Variants in DLG2 observed in about 807,000 individuals in gnomAD.
DLG2 encodes discs large MAGUK scaffold protein 2, also known as disks large homolog 2.
In DLG2, 45 loss-of-function variants were observed where a neutral mutation model predicts 132.5. The ratio of observed to expected loss-of-function variants is 0.34; its 90% confidence interval spans 0.27 to 0.44. DLG2 has a LOEUF of 0.44. Among genes scored for constraint, DLG2 ranks in the 20% least tolerant of loss-of-function variants. The pLI, the probability that DLG2 is intolerant of heterozygous loss-of-function variation, is 1.00. For missense variants in DLG2, 1,045 were observed against 1,196.9 expected (o/e 0.87, Z 1.87); for synonymous variants, 424 against 419.6 (o/e 1.01, Z -0.13).
intron 7 of DLG2, among the ~76,000 whole-genome samples, chr11:84,357,165 C>A (rs2098619527): frequency 6.6e-6 from 1 of 152,006 alleles, no homozygotes; most frequent in Non-Finnish European, 1.5e-5. Flanking sequence ...GTCTGGATGT[C>A]TTCTTAAAAA....
At chr11:84,222,929 T>G (rs903692136) in intron 8 of DLG2, among the ~76,000 whole-genome samples, 1 of 152,164 alleles carries the variant, frequency 6.6e-6, no homozygotes, top group Non-Finnish European at 1.5e-5. Flanking sequence ...TGTTAATGAG[T>G]TTAATACTTG....
At chr11:85,166,926 A>C (rs7110155) in intron 4 of DLG2, among the ~76,000 whole-genome samples, 13,686 of 152,208 alleles carry the variant, frequency 0.09, 828 homozygotes, top group African/African-American at 0.16. Context: ...ATAAAAGAAT[A>C]TTATAATAAA....
intron 7 of DLG2, among the ~76,000 whole-genome samples, chr11:84,468,140 G>A (rs1270240864): frequency 6.6e-6 from 1 of 151,482 alleles, no homozygotes; most frequent in Non-Finnish European, 1.5e-5. Context: ...CTCCATAAAT[G>A]TTATTTTACT....
chr11:83,733,701 G>T (rs2153704180), intron 18 of DLG2, among the ~76,000 whole-genome samples: 1 of 152,290 alleles, frequency 6.6e-6, no homozygotes, highest in East Asian at 1.9e-4. Context: ...CCCAGTTCTA[G>T]CAATCAACTT....
chr11:83,742,395 A>G (rs2092593321), intron 18 of DLG2, among the ~76,000 whole-genome samples: 1 of 152,152 alleles, frequency 6.6e-6, no homozygotes, highest in African/African-American at 2.4e-5. Flanking sequence ...ATAGTACTCT[A>G]AGGAAAAAAA....
At chr11:84,373,268 A>AAAAAAAAAAAAAAC (rs1567449347) in intron 7 of DLG2, among the ~76,000 whole-genome samples, 3 of 135,744 alleles carry the variant, frequency 2.2e-5, no homozygotes, top group Non-Finnish European at 4.6e-5. Context: ...AAAAAAACAA[A>AAAAAAAAAAAAAAC]ACAAAAAAAA....
intron 3 of DLG2, among the ~76,000 whole-genome samples, chr11:85,466,157 GT>G (rs557877965): frequency 2.0e-5 from 3 of 152,120 alleles, no homozygotes; most frequent in Non-Finnish European, 4.4e-5. Context: ...GGGGTTGCTT[GT>G]TTTTTTCTTG....
chr11:85,448,872 G>C (rs1053369518), intron 3 of DLG2, among the ~76,000 whole-genome samples: 6 of 151,976 alleles, frequency 3.9e-5, no homozygotes, highest in African/African-American at 1.4e-4. Context: ...ATTTAAAGTA[G>C]TTCCCATTCT....
intron 7 of DLG2, among the ~76,000 whole-genome samples, chr11:84,363,401 T>C (rs928003421): frequency 6.6e-6 from 1 of 152,142 alleles, no homozygotes; most frequent in Non-Finnish European, 1.5e-5. Flanking sequence ...TTGTAGATTC[T>C]GGATATTAGC....
At chr11:84,041,654 T>C (rs1160817) in intron 11 of DLG2, among the ~76,000 whole-genome samples, 5 of 152,062 alleles carry the variant, frequency 3.3e-5, no homozygotes, top group African/African-American at 1.2e-4. Context: ...TAGAATTTCC[T>C]AATTTTAATA....
chr11:85,387,482 T>C (rs1030606411), intron 3 of DLG2, among the ~76,000 whole-genome samples: 2 of 152,214 alleles, frequency 1.3e-5, no homozygotes, highest in African/African-American at 2.4e-5. Context: ...ACACTCAATG[T>C]GTAACATTTT....
At chr11:83,552,279 T>C (rs779564800) in intron 19 of DLG2, among the ~76,000 whole-genome samples, 3 of 152,108 alleles carry the variant, frequency 2.0e-5, no homozygotes, top group Non-Finnish European at 2.9e-5. Flanking sequence ...TGGGGTGTTT[T>C]TTAAGGTAGG....
At chr11:85,076,046 T>C (rs1001949390) in intron 6 of DLG2, among the ~76,000 whole-genome samples, 5 of 151,952 alleles carry the variant, frequency 3.3e-5, no homozygotes, top group African/African-American at 1.2e-4. Context: ...GGTAAATGAA[T>C]TTATTTACTC....
intron 4 of DLG2, among the ~76,000 whole-genome samples, chr11:85,196,631 A>G (rs919540054): frequency 6.6e-6 from 1 of 152,246 alleles, no homozygotes; most frequent in Non-Finnish European, 1.5e-5. Flanking sequence ...GCCTTAGCAC[A>G]CTGCTGGGAC....
intron 19 of DLG2, among the ~76,000 whole-genome samples, chr11:83,619,479 G>A (rs1299907583): frequency 6.6e-6 from 1 of 152,190 alleles, no homozygotes; most frequent in East Asian, 1.9e-4. Context: ...CTTCTTTGCT[G>A]TGTAAATATG....
At chr11:84,187,929 G>C (rs1288616409) in intron 8 of DLG2, among the ~76,000 whole-genome samples, 1 of 152,120 alleles carries the variant, frequency 6.6e-6, no homozygotes, top group Non-Finnish European at 1.5e-5. Flanking sequence ...GAGAGCTGTA[G>C]AAAGACTCTA....
chr11:85,409,318 G>T (rs2089093812), intron 3 of DLG2, among the ~76,000 whole-genome samples: 1 of 151,876 alleles, frequency 6.6e-6, no homozygotes, highest in Admixed American at 6.6e-5. Context: ...TAAGAACATG[G>T]ACTCTGTATC....
intron 6 of DLG2, among the ~76,000 whole-genome samples, chr11:84,894,338 C>T (rs2089888227): frequency 1.3e-5 from 2 of 152,110 alleles, no homozygotes; most frequent in African/African-American, 4.8e-5. Flanking sequence ...TTGTCCCTTC[C>T]AACTTCTCCC....
intron 6 of DLG2, among the ~76,000 whole-genome samples, chr11:84,840,167 A>G (rs1023675630): frequency 5.3e-5 from 8 of 152,136 alleles, no homozygotes; most frequent in African/African-American, 1.9e-4. Context: ...ACCTCATCAA[A>G]AAGGGGGGAA....
Sources: allele counts gnomAD v4.1 joint callset (sites outside exome capture counted in the v4.1 genomes callset), GRCh38; gene constraint gnomAD v4.1.1; transcripts MANE v1.5; gene names NCBI Gene and HGNC (gene_info 2026-07-23, HGNC 2026-07-21).